The following CNTN1 variants were observed in gnomAD, a reference collection of about 807,000 sequenced individuals.
CNTN1 encodes the protein contactin-1.
In CNTN1, 38 loss-of-function variants were observed where a neutral mutation model predicts 126.4. The ratio of observed to expected loss-of-function variants is 0.30; its 90% CI spans 0.23 to 0.39. The LOEUF is 0.39. Among genes scored for constraint, CNTN1 ranks in the 10% least tolerant of loss-of-function variants. The pLI is 1.00. For synonymous variants in CNTN1, 413 were observed against 422.6 expected (o/e 0.98, Z 0.28); for missense variants, 1,009 against 1,248.4 (o/e 0.81, Z 2.89).
intron 15 of CNTN1, among the ~76,000 whole-genome samples, chr12:40,977,898 G>A (rs1159498750): frequency 1.3e-5 from 2 of 151,998 alleles, no homozygotes; most frequent in African/African-American, 4.8e-5. Context: ...TGCCTCCCAG[G>A]TTCAAGCAAT....
At chr12:40,938,838 G>A (rs1946167749) in intron 11 of CNTN1, among the ~76,000 whole-genome samples, 2 of 152,084 alleles carry the variant, frequency 1.3e-5, no homozygotes, top group South Asian at 4.1e-4. Flanking sequence ...GCAGTGAGGC[G>A]ATCACGCTTC....
chr12:40,856,674 G>A (rs1466197671), intron 1 of CNTN1, among the ~76,000 whole-genome samples: 1 of 152,094 alleles, frequency 6.6e-6, no homozygotes, highest in Non-Finnish European at 1.5e-5. Context: ...ACTAAAAGTG[G>A]ACTCAAACAG....
intron 23 of CNTN1, among the ~76,000 whole-genome samples, chr12:41,054,466 AG>A (rs1208705660): frequency 4.6e-5 from 7 of 152,046 alleles, no homozygotes; most frequent in Non-Finnish European, 1.0e-4. Flanking sequence ...ATATGATTAG[AG>A]TATCTGCTTT....
At chr12:40,940,016 C>CA (rs1264378697) in intron 12 of CNTN1, among the ~76,000 whole-genome samples, 1 of 151,816 alleles carries the variant, frequency 6.6e-6, no homozygotes, top group African/African-American at 2.4e-5. Flanking sequence ...GGTTTGGGGA[C>CA]AAAATGAAAA....
At chr12:40,958,347 ATATATGTG>A (rs1946968735) in intron 14 of CNTN1, among the ~76,000 whole-genome samples, 1 of 106,446 alleles carries the variant, frequency 9.4e-6, no homozygotes, top group Admixed American at 1.0e-4. Context: ...GTGTGTGTGT[ATATATGTG>A]TGTGTGTGTG....
intron 17 of CNTN1, among the ~76,000 whole-genome samples, chr12:41,004,129 C>T (rs1182717425): frequency 6.6e-6 from 1 of 152,122 alleles, no homozygotes; most frequent in African/African-American, 2.4e-5. Flanking sequence ...CCCAGAGATT[C>T]TGGTATGTTG....
chr12:40,787,150 C>T (rs974095150), intron 1 of CNTN1, among the ~76,000 whole-genome samples: 3 of 152,106 alleles, frequency 2.0e-5, no homozygotes, highest in African/African-American at 7.2e-5. Flanking sequence ...TAAAGTCATA[C>T]TGTTCATCTT....
intron 11 of CNTN1, among the ~76,000 whole-genome samples, chr12:40,939,124 A>C (rs1291001846): frequency 6.6e-6 from 1 of 152,172 alleles, no homozygotes; most frequent in South Asian, 2.1e-4. Flanking sequence ...AGAATTGTAC[A>C]TTTGAATTGG....
chr12:41,065,900 C>T (rs555214237), intron 23 of CNTN1, among the ~76,000 whole-genome samples: 1 of 152,244 alleles, frequency 6.6e-6, no homozygotes, highest in African/African-American at 2.4e-5. Context: ...GATTTTCACT[C>T]TAATCATAGG....
At chr12:40,768,084 T>C (rs1045969643) in intron 1 of CNTN1, among the ~76,000 whole-genome samples, 2 of 152,240 alleles carry the variant, frequency 1.3e-5, no homozygotes, top group Non-Finnish European at 2.9e-5. Context: ...CAAATGGAGA[T>C]TGGCTTTACA....
At chr12:40,729,511 T>A (rs1231212463) in intron 1 of CNTN1, 1 of 215,840 alleles carries the variant, frequency 4.6e-6, no homozygotes. Context: ...AGACCACGTA[T>A]GAGTGCCTCA....
rs1303752045 is a variant in CNTN1, at chr12:41,069,980, G to A, written c.3002G>A (p.Ser1001Asn). Residue 1001 changes from serine (S) to asparagine (N), a missense_variant, in exon 24 of 24, where the codon AGT becomes AAT. Physicochemically the swap from Ser to Asn is conservative, Grantham distance 46. Transcript: ENST00000551295. Reference protein sequence around the residue: ...KISGAPTLSPSLLGLLLPAFG... With the variant: ...KISGAPTLSPNLLGLLLPAFG... ...GCAGGTGCACCCACCCTATCCCCAA[G>A]TCTTCTCGGCTTACTGCTGCCTGCC... The A allele has an allele frequency of 1.9e-6, 3 of 1,613,912 alleles. No homozygotes were observed. Among genetic ancestry groups the A allele is most frequent in the Non-Finnish European group, 2.5e-6 (3 of 1,179,954 alleles).
chr12:40,935,246 G>C (rs768438202), intron 9 of CNTN1, among the ~76,000 whole-genome samples: 1 of 152,000 alleles, frequency 6.6e-6, no homozygotes, highest in Admixed American at 6.6e-5. Context: ...ACTAGGTAAG[G>C]TCCTTTAAAC....
intron 1 of CNTN1, among the ~76,000 whole-genome samples, chr12:40,892,748 C>T (rs77490165): frequency 6.6e-6 from 1 of 151,936 alleles, no homozygotes; most frequent in Non-Finnish European, 1.5e-5. Context: ...AATTTTTTTG[C>T]TGACAGGGTT....
chr12:41,069,898 A>G, intron 23 of CNTN1, 61 bp from the exon 24 acceptor site: 2 of 1,376,444 alleles, frequency 1.5e-6, no homozygotes, highest in Middle Eastern at 1.8e-4. Context: ...GAAGCAGACT[A>G]AATGAGCAAT....
chr12:40,935,145 T>C (rs1050393762), intron 9 of CNTN1, among the ~76,000 whole-genome samples: 1 of 151,998 alleles, frequency 6.6e-6, no homozygotes, highest in African/African-American at 2.4e-5. Context: ...ACATTTACTC[T>C]GAACTTCAGA....
intron 1 of CNTN1, among the ~76,000 whole-genome samples, chr12:40,728,614 A>T (rs1942418072): frequency 6.6e-6 from 1 of 152,204 alleles, no homozygotes; most frequent in South Asian, 2.1e-4. Context: ...GGCTCTAAAC[A>T]CCAACAATGT....
At chr12:40,830,799 A>G (rs965692858) in intron 1 of CNTN1, among the ~76,000 whole-genome samples, 6,845 of 73,414 alleles carry the variant, frequency 0.093, 374 homozygotes, top group East Asian at 0.14. Context: ...GTGTATATAT[A>G]TATATATATA....
chr12:40,792,877 C>T (rs147487413), intron 1 of CNTN1, among the ~76,000 whole-genome samples: 1 of 152,052 alleles, frequency 6.6e-6, no homozygotes, highest in South Asian at 2.1e-4. Context: ...AAATATATTT[C>T]TTTGGCCTAT....
Sources: gnomAD v4.1 joint callset for allele counts (sites outside exome capture counted in the v4.1 genomes callset) on GRCh38, gnomAD v4.1.1 for gene constraint, MANE v1.5 for transcripts, NCBI Gene and HGNC (gene_info 2026-07-23, HGNC 2026-07-21) for gene names.